Variants in CAPN15 observed in about 807,000 individuals in gnomAD.
CAPN15 encodes calpain-15.
A neutral mutation model predicts 97.9 loss-of-function variants in CAPN15; 53 were observed. The ratio of observed to expected loss-of-function variants is 0.54; its 90% confidence interval spans 0.43 to 0.68. The LOEUF is 0.68. Among genes scored for constraint, CAPN15 ranks in the 30% least tolerant of loss-of-function variants. CAPN15 has a pLI of 0.00. For missense variants in CAPN15, 1,592 were observed against 1,589.8 expected (o/e 1.00, Z -0.02); for synonymous variants, 922 against 722.5 (o/e 1.28, Z -4.43).
At chr16:550,859 T>TC (rs1226198945) in intron 7 of CAPN15, among the ~76,000 whole-genome samples, 24 of 61,536 alleles carry the variant, frequency 3.9e-4, no homozygotes, top group Admixed American at 1.1e-3. Context: ...TCGGTGAGGG[T>TC]CCCGGTCGGT....
At chr16:548,630 T>G (rs59164969) in intron 4 of CAPN15, among the ~76,000 whole-genome samples, 1 of 152,208 alleles carries the variant, frequency 6.6e-6, no homozygotes, top group Non-Finnish European at 1.5e-5. Context: ...GAGGTCGGGA[T>G]GTACCCGTGC....
At chr16:534,504 C>T (rs904320766) in intron 2 of CAPN15, among the ~76,000 whole-genome samples, 8 of 152,164 alleles carry the variant, frequency 5.3e-5, no homozygotes, top group Admixed American at 1.3e-4. Context: ...CTTGTAGGGA[C>T]GATGGGAAGC....
chr16:548,873 C>A, intron 4 of CAPN15, 120 bp from the exon 5 acceptor site: 2 of 927,336 alleles, frequency 2.2e-6, no homozygotes, highest in Non-Finnish European at 1.7e-6. Context: ...GTCCACGCTC[C>A]ACCCGTCCCT....
intron 3 of CAPN15, chr16:538,172 G>A (rs1284544231): frequency 1.3e-5 from 2 of 152,250 alleles, no homozygotes; most frequent in African/African-American, 4.8e-5. Context: ...GTGCCCCTTC[G>A]AGGGCAGGTG....
At position 547,165 on chromosome 16, in the gene CAPN15, G is replaced by T; in HGVS notation, c.327G>T (p.Arg109Ser). Residue 109 changes from arginine (R) to serine (S), a missense_variant, in exon 4 of 14, where the codon AGG becomes AGT. Arg to Ser is a moderately radical substitution (Grantham distance 110). Transcript: ENST00000219611. ...GSCQEEAGPV[R>S]TAGLVATEPA... Reference sequence around the variant, plus strand: ...GCCAGGAGGAAGCAGGTCCAGTGAGGACTGCGGGGCTGGTGGCCACGGAGC... The same window carrying T: ...GCCAGGAGGAAGCAGGTCCAGTGAGTACTGCGGGGCTGGTGGCCACGGAGC... 1 of 1,544,830 alleles carries T rather than the reference G, an allele frequency of 6.5e-7. No individual in the cohort carries two copies. Among genetic ancestry groups the T allele is most frequent in the Non-Finnish European group, 8.7e-7 (1 of 1,149,436 alleles).
chr16:533,405 G>A (rs1230234158), intron 1 of CAPN15, among the ~76,000 whole-genome samples: 1 of 152,198 alleles, frequency 6.6e-6, no homozygotes, highest in Admixed American at 6.5e-5. Flanking sequence ...GCTCGAAGCA[G>A]TGGCCGCCCT....
Position 552,131 on chromosome 16 carries a change from C to A in CAPN15, c.2426C>A (p.Ala809Asp). The A allele has an allele frequency of 6.5e-7, 1 of 1,548,020 alleles. No homozygotes were observed. Residue 809 changes from alanine (A) to aspartate (D), a missense_variant, in exon 10 of 14, where the codon GCC becomes GAC. Around this residue, in one of 3 missense-constraint regions of CAPN15, gnomAD observed 644 missense variants for 699.6 expected, o/e 0.92. Coordinates refer to ENST00000219611, the MANE Select transcript of CAPN15 (RefSeq NM_005632.3). The surrounding 1 kb of genome is among the most constrained non-coding windows in gnomAD (Gnocchi z 6.4). The part of the protein sequence containing the change: ...ARVQGCFPSS[A>D]SAPVGVTALT... Reference sequence around the variant, plus strand: ...GTGCAGGGCTGCTTTCCCAGCTCGGCCAGCGCGCCCGTGGGGGTAACAGCG... The same window carrying A: ...GTGCAGGGCTGCTTTCCCAGCTCGGACAGCGCGCCCGTGGGGGTAACAGCG...
In CAPN15 at chr16:547,186, G is replaced by A. The variant is rs542596201; in HGVS notation, c.348G>A (p.Thr116=). The A allele has an allele frequency of 2.5e-5, 39 of 1,534,296 alleles. 1 individual carries two copies. The East Asian group carries it at 3.3e-4, about 13-fold the overall frequency. ...GPVRTAGLVA[T]EPARGQCEDK... ...TGAGGACTGCGGGGCTGGTGGCCAC[G>A]GAGCCCGCCAGGGGGCAGTGCGAGG... The change falls in exon 4 of 14, where the codon ACG becomes ACA. Residue 116 remains threonine, a synonymous_variant. Transcript: ENST00000219611.
At chr16:544,702 C>G in intron 3 of CAPN15, among the ~76,000 whole-genome samples, 1 of 140,298 alleles carries the variant, frequency 7.1e-6, no homozygotes, top group Non-Finnish European at 1.5e-5. Flanking sequence ...GCCTCCCCCA[C>G]GTCGCCTCCC....
chr16:537,645 G>A (rs753333863), intron 3 of CAPN15: 2 of 168,698 alleles, frequency 1.2e-5, no homozygotes, highest in Non-Finnish European at 2.4e-5. Flanking sequence ...CTACAGAAGG[G>A]GAGTGTCGGA....
At chr16:528,284 GA>G (rs1393195198) in intron 1 of CAPN15, among the ~76,000 whole-genome samples, 2 of 152,074 alleles carry the variant, frequency 1.3e-5, no homozygotes, top group Non-Finnish European at 2.9e-5. Context: ...AGGAAGGCGG[GA>G]AGTCGGCAGG....
intron 1 of CAPN15, among the ~76,000 whole-genome samples, chr16:531,029 C>T (rs999934009): frequency 4.6e-5 from 7 of 152,248 alleles, no homozygotes; most frequent in Admixed American, 3.3e-4. Context: ...GCCTCCCTGG[C>T]GGTCCTAGAC....
chr16:528,043 G>T lies in CAPN15; in HGVS notation c.-190+14G>T, dbSNP rs1282140581. 6.9e-6 allele frequency: 1 copy of T among 144,222 alleles called. No homozygotes were observed. The highest frequency in any genetic ancestry group is 2.5e-5 in the African/African-American group (1 of 40,364). 8.9% of individuals were successfully genotyped at this position (144,222 alleles called of 1,614,324 possible). ...CGGGCTGTGGAGGTGAGTCCCGTCGGCCGGGCCCGGCCGGGCGCCCAGCCG... is the reference window on the plus strand; with the variant it reads ...CGGGCTGTGGAGGTGAGTCCCGTCGTCCGGGCCCGGCCGGGCGCCCAGCCG... On this transcript the variant is annotated intron_variant, in intron 1 of 13. Transcript: ENST00000219611.
rs1292352812 is a variant in CAPN15, at chr16:547,561, C to T, written c.723C>T (p.Asn241=). 6.3e-7 allele frequency: 1 copy of T among 1,590,206 alleles called. No individual in the cohort carries two copies. The highest frequency in any genetic ancestry group is 1.1e-5 in the South Asian group (1 of 90,810). The part of the protein sequence containing the change: ...PFSPFSSTLQ[N]NPVPRSRREV... ...GCCCCTTCTCGTCCACCCTGCAGAA[C>T]AACCCCGTGCCGCGCAGCCGACGCG... The change falls in exon 4 of 14, where the codon AAC becomes AAT. Residue 241 remains asparagine, a synonymous_variant. Transcript: ENST00000219611.
chr16:551,146 G>A (rs1368555380), intron 7 of CAPN15, among the ~76,000 whole-genome samples, 156 bp from the exon 8 acceptor site: 1 of 134,802 alleles, frequency 7.4e-6, no homozygotes. Flanking sequence ...GGCCCCGGTC[G>A]GTGAGGGCGC....
intron 1 of CAPN15, among the ~76,000 whole-genome samples, chr16:528,303 G>A (rs1002292473): frequency 6.6e-6 from 1 of 152,136 alleles, no homozygotes; most frequent in African/African-American, 2.4e-5. Flanking sequence ...AGGGACCTGG[G>A]CCATGTGGGT....
intron 1 of CAPN15, among the ~76,000 whole-genome samples, chr16:530,746 G>A (rs1371078821): frequency 6.6e-6 from 1 of 152,236 alleles, no homozygotes; most frequent in Non-Finnish European, 1.5e-5. Context: ...GTCTGTGGGA[G>A]GATGGGGGCA....
In CAPN15 at chr16:547,632, C is replaced by A. The variant is rs766960655; in HGVS notation, c.794C>A (p.Pro265Gln). The change falls in exon 4 of 14, where the codon CCG becomes CAG. Residue 265 changes from proline (P) to glutamine (Q), a missense_variant. Physicochemically the swap from Pro to Gln is moderately conservative, Grantham distance 76. Transcript: ENST00000219611. ...LQPPVPEAAQ[P>Q]SPSAGCRGAP... Reference sequence around the variant, plus strand: ...CCACCGGTGCCTGAGGCTGCCCAGCCGTCACCCTCTGCCGGCTGCAGGGGA... The same window carrying A: ...CCACCGGTGCCTGAGGCTGCCCAGCAGTCACCCTCTGCCGGCTGCAGGGGA... 3 of 1,569,022 alleles carry A rather than the reference C, an allele frequency of 1.9e-6. No homozygotes were observed. The African/African-American group carries it at 4.0e-5, about 21-fold the overall frequency.
intron 1 of CAPN15, among the ~76,000 whole-genome samples, chr16:532,854 GAAAAA>G: frequency 9.5e-6 from 1 of 105,000 alleles, no homozygotes; most frequent in Non-Finnish European, 2.0e-5. Context: ...CTCTGTCAGA[GAAAAA>G]AAAAAAAAAA....
Sources: allele counts gnomAD v4.1 joint callset (sites outside exome capture counted in the v4.1 genomes callset), GRCh38; gene constraint gnomAD v4.1.1; regional missense constraint gnomAD v4.1.1; non-coding constraint Gnocchi (gnomAD v3.1); transcripts MANE v1.5; gene names NCBI Gene and HGNC (gene_info 2026-07-23, HGNC 2026-07-21).